The following ANLN variants were observed in gnomAD, a reference collection of about 807,000 sequenced individuals.
The protein encoded by ANLN is anillin, actin binding protein.
In ANLN, 59 loss-of-function variants were observed where a neutral mutation model predicts 135.1. The ratio of observed to expected loss-of-function variants is 0.44; its 90% confidence interval spans 0.35 to 0.54. The LOEUF (loss-of-function observed/expected upper bound fraction) is 0.54. ANLN is among the 20% of genes least tolerant of loss of function. The probability of loss-of-function intolerance (pLI) is 0.00; values close to 1 mark genes in which losing one functional copy is unlikely to be tolerated. For synonymous variants in ANLN, 406 were observed against 456.4 expected (o/e 0.89, Z 1.41); for missense variants, 1,182 against 1,340.0 (o/e 0.88, Z 1.84).
rs2052197 is a variant in ANLN at position 36,452,603 on chromosome 7, C to T, written c.*3C>T. 0.12 allele frequency: 192,966 copies of T among 1,613,352 alleles called. 12,021 individuals are homozygous for T. The highest frequency in any genetic ancestry group is 0.19 in the Admixed American group (11,554 of 59,974). ...ACAAACCTATTGGAAAGCCTTAAAC[C>T]GGGAAATTTCCATGCTATCTAGAGG... is the stretch of plus-strand genomic sequence containing the variant. On this transcript the variant is annotated 3_prime_UTR_variant, in exon 24 of 24. Transcript: ENST00000265748.
chr7:36,400,903 A>C (rs1466758578), intron 3 of ANLN, among the ~76,000 whole-genome samples: 1 of 152,174 alleles, frequency 6.6e-6, no homozygotes, highest in Non-Finnish European at 1.5e-5. Context: ...CATAGCCAGA[A>C]TTGAGATCAA....
chr7:36,450,170 T>G (rs770992469), intron 23 of ANLN, among the ~76,000 whole-genome samples: 2 of 152,244 alleles, frequency 1.3e-5, no homozygotes, highest in Non-Finnish European at 2.9e-5. Flanking sequence ...AAAGAGACTT[T>G]ACACATCCCT....
rs1297150994 is a variant in ANLN, at chr7:36,402,093, T to C, written c.487+2700T>C. 3.6e-5 allele frequency among the ~76,000 whole-genome samples: 4 copies of C among 112,430 alleles called. No homozygotes were observed. The East Asian group carries it at 9.2e-4, about 26-fold the overall frequency. 73.8% of individuals were successfully genotyped at this position (112,430 alleles called of 152,430 possible). On this transcript the variant is annotated intron_variant, in intron 3 of 23. Coordinates refer to ENST00000265748, the MANE Select transcript of ANLN (RefSeq NM_018685.5). ...ACAGGGAATCAACAGAGCTGTAACA[T>C]TGCCTCTTCAATAAAGCTATTTTTT...
At chr7:36,406,112 G>GC in intron 3 of ANLN, 69 bp from the exon 4 acceptor site, 1 of 1,446,436 alleles carries the variant, frequency 6.9e-7, no homozygotes, top group Admixed American at 2.2e-5. Context: ...AGCATAGAGT[G>GC]ATCCTGGTAT....
In ANLN at chr7:36,419,479, G is replaced by A. The variant is rs191895506; in HGVS notation, c.1869G>A (p.Glu623=). The change falls in exon 10 of 24, where the codon GAG becomes GAA. Residue 623 remains glutamate (E), a splice_region_variant and synonymous_variant. Coordinates refer to ENST00000265748, the MANE Select transcript of ANLN (RefSeq NM_018685.5). ...AAACAGTTGGTGTGGTAAGTCCAGAGGTAAGAAAAGGCTAACTAAACAGGC... is the reference window on the plus strand; with the variant it reads ...AAACAGTTGGTGTGGTAAGTCCAGAAGTAAGAAAAGGCTAACTAAACAGGC... ...LAQTVGVVSP[E]SLVSTPRLEL... 3.1e-6 allele frequency: 5 copies of A among 1,611,852 alleles called. No homozygotes were observed. The highest frequency in any genetic ancestry group is 3.4e-6 in the Non-Finnish European group (4 of 1,179,278).
rs1787981564 is a variant in ANLN at position 36,423,958 on chromosome 7, C to T, written c.2603+15C>T. On this transcript the variant is annotated intron_variant, in intron 15 of 23. Coordinates refer to ENST00000265748, the MANE Select transcript of ANLN (RefSeq NM_018685.5). ...ACATTTACTCTGTAAGTAAATCAGG[C>T]TTTTGATGATTCGAATGCATTTTTC... The T allele has an allele frequency of 1.3e-6, 2 of 1,598,678 alleles. No homozygotes were observed. Among genetic ancestry groups the T allele is most frequent in the East Asian group, 4.5e-5 (2 of 44,152 alleles).
At chr7:36,423,790 AC>A in intron 14 of ANLN, 26 bp from the exon 15 acceptor site, 1 of 1,590,148 alleles carries the variant, frequency 6.3e-7, no homozygotes, top group Non-Finnish European at 8.6e-7. Flanking sequence ...GCTTGTGCTT[AC>A]TATGTAATAT....
chr7:36,417,629 CTTCAG>C (rs1024927745), intron 9 of ANLN, among the ~76,000 whole-genome samples: 2 of 151,200 alleles, frequency 1.3e-5, no homozygotes, highest in Non-Finnish European at 2.9e-5. Context: ...GCCTCCTCTC[CTTCAG>C]ATACCAGTTG....
At position 36,431,597 on chromosome 7, in the gene ANLN, G is replaced by GCGTGTA. The variant is rs1554347091; in HGVS notation, c.2883+4569_2883+4570insCGTGTA. On this transcript the variant is annotated intron_variant, in intron 20 of 23. Coordinates refer to ENST00000265748, the MANE Select transcript of ANLN (RefSeq NM_018685.5). ...TGTGTGTGTGTGTGTGTGTGTGTGT[G>GCGTGTA]TATATATATATATATATATAATATA... 5.8e-4 allele frequency among the ~76,000 whole-genome samples: 16 copies of GCGTGTA among 27,446 alleles called. 1 individual carries two copies. Among genetic ancestry groups the GCGTGTA allele is most frequent in the South Asian group, 5.4e-3 (3 of 552 alleles). 18.0% of individuals were successfully genotyped at this position (27,446 alleles called of 152,430 possible). A position where few individuals can be genotyped will look rare whatever the true frequency, so the allele number is the denominator to read the frequency against.
chr7:36,414,716 T>C (rs1787569072), intron 7 of ANLN, among the ~76,000 whole-genome samples: 1 of 152,222 alleles, frequency 6.6e-6, no homozygotes, highest in Non-Finnish European at 1.5e-5. Context: ...AAAATTTTTA[T>C]GTATTTTTTA....
intron 5 of ANLN, 61 bp from the exon 6 acceptor site, chr7:36,410,453 A>G (rs1288792478): frequency 1.6e-5 from 23 of 1,424,274 alleles, no homozygotes; most frequent in South Asian, 3.0e-5. Flanking sequence ...AACTTTTTCC[A>G]TAGAAATCGT....
intron 9 of ANLN, among the ~76,000 whole-genome samples, chr7:36,419,013 TC>T (rs1787763187): frequency 6.6e-6 from 1 of 152,218 alleles, no homozygotes; most frequent in Admixed American, 6.5e-5. Flanking sequence ...CACCTTGGCC[TC>T]CCAAAGTGCT....
At chr7:36,424,785 T>C in intron 17 of ANLN, 43 bp downstream of exon 17, 1 of 1,561,650 alleles carries the variant, frequency 6.4e-7, no homozygotes, top group East Asian at 2.3e-5. Context: ...TCATCAGAAG[T>C]AATAGATATC....
chr7:36,437,171 A>G (rs944892870), intron 20 of ANLN, among the ~76,000 whole-genome samples: 1 of 152,188 alleles, frequency 6.6e-6, no homozygotes, highest in Non-Finnish European at 1.5e-5. Context: ...CCTGGCAGCC[A>G]CCACTGTAGT....
chr7:36,449,598 GC>G, intron 22 of ANLN, 66 bp from the exon 23 acceptor site: 1 of 1,196,180 alleles, frequency 8.4e-7, no homozygotes, highest in Non-Finnish European at 1.1e-6. Flanking sequence ...CAACTTAAAT[GC>G]TGCTTAATGC....
At chr7:36,427,093 G>A (rs1359753416) in intron 20 of ANLN, 65 bp downstream of exon 20, 4 of 989,608 alleles carry the variant, frequency 4.0e-6, no homozygotes, top group Non-Finnish European at 4.5e-6. Flanking sequence ...TTAGCTCAAT[G>A]GAAATGCCAC....
chr7:36,389,910 G>C lies in ANLN; in HGVS notation c.-117G>C, dbSNP rs1366526953. The C allele has an allele frequency of 2.5e-6, 4 of 1,586,114 alleles. No homozygotes were observed. The highest frequency in any genetic ancestry group is 1.3e-5 in the African/African-American group (1 of 74,406). On this transcript the variant is annotated 5_prime_UTR_variant, in exon 1 of 24. Coordinates refer to ENST00000265748, the MANE Select transcript of ANLN (RefSeq NM_018685.5). ...GGAGAGGACAGCTGGTTGTGGGAGA[G>C]TTCCCCCGCCTCAGACTCCTGGTTT...
Position 36,426,924 on chromosome 7 carries a change from A to C in ANLN, c.2779A>C (p.Ser927Arg). Residue 927 changes from serine to arginine, a missense_variant, in exon 20 of 24, where the codon AGT becomes CGT. Physicochemically the swap from Ser to Arg is moderately radical, Grantham distance 110. Transcript: ENST00000265748. ...KSNIHSSVMA[S>R]PGGLSAVRTS... is the part of the protein sequence containing the mutation. ...TTCCTCGTTCTTCACAGTCATGGCC[A>C]GTCCAGGAGGTCTTAGTGCTGTGCG... 6.3e-7 allele frequency: 1 copy of C among 1,596,310 alleles called. No individual in the cohort carries two copies.
intron 1 of ANLN, among the ~76,000 whole-genome samples, chr7:36,393,095 C>A (rs902449083): frequency 2.6e-5 from 4 of 151,436 alleles, no homozygotes; most frequent in Admixed American, 1.3e-4. Context: ...GCGATCTTGG[C>A]TCGGTGTCAC....
Sources: gnomAD v4.1 joint callset for allele counts (sites outside exome capture counted in the v4.1 genomes callset) on GRCh38, gnomAD v4.1.1 for gene constraint, MANE v1.5 for transcripts, NCBI Gene and HGNC (gene_info 2026-07-23, HGNC 2026-07-21) for gene names.